The following KANSL3 variants were observed in gnomAD, a reference collection of about 807,000 sequenced individuals.
KANSL3 encodes KAT8 regulatory NSL complex subunit 3.
Under a neutral mutation model 89.2 loss-of-function variants are expected in KANSL3, and 16 were observed. The observed-to-expected ratio is 0.18, with a 90% CI of 0.12 to 0.27. The LOEUF is 0.27. Among genes scored for constraint, KANSL3 ranks in the 10% least tolerant of loss-of-function variants. The probability of loss-of-function intolerance (pLI) is 1.00; values close to 1 mark genes in which losing one functional copy is unlikely to be tolerated. For synonymous variants in KANSL3, 385 were observed against 419.7 expected, an observed-to-expected ratio of 0.92 and a Z score of 1.01; for missense variants, 879 against 1,110.6, an observed-to-expected ratio of 0.79 and a Z score of 2.96.
chr2:96,601,487 A>G (rs1417893560), intron 20 of KANSL3, 156 bp downstream of exon 20: 8 of 1,391,796 alleles, frequency 5.7e-6, no homozygotes, highest in Non-Finnish European at 5.6e-6. Context: ...TGATTCGCTC[A>G]ATATTATAAA....
intron 15 of KANSL3, 32 bp downstream of exon 15, chr2:96,605,288 A>C: frequency 6.4e-7 from 1 of 1,574,778 alleles, no homozygotes; most frequent in Non-Finnish European, 8.7e-7. Context: ...GAGAGAGCTC[A>C]GTTCTCATTT....
In KANSL3 at chr2:96,593,587, G is replaced by A. The variant is rs141428416; in HGVS notation, c.*2024C>T. ...TTCTCACAGCTCCCCTTCTTCAGTT[G>A]TGGAGTTCTTCAAGGTGGACAGATC... On this transcript the variant is annotated 3_prime_UTR_variant, in exon 21 of 21. Coordinates refer to ENST00000431828, the MANE Select transcript of KANSL3 (RefSeq NM_001115016.3). 5.7e-3 allele frequency: 1,788 copies of A among 314,098 alleles called. 11 individuals are homozygous for A. Among genetic ancestry groups the A allele is most frequent in the Middle Eastern group, 0.019 (16 of 856 alleles). 19.5% of individuals were successfully genotyped at this position (314,098 alleles called of 1,614,324 possible).
At chr2:96,621,454 C>T (rs1373890424) in intron 3 of KANSL3, among the ~76,000 whole-genome samples, 1 of 151,134 alleles carries the variant, frequency 6.6e-6, no homozygotes, top group Non-Finnish European at 1.5e-5. Flanking sequence ...GCAGAGGTTG[C>T]AGTGAGCCGA....
At chr2:96,608,458 T>C in intron 14 of KANSL3, 50 bp downstream of exon 14, 8 of 1,595,448 alleles carry the variant, frequency 5.0e-6, no homozygotes, top group Non-Finnish European at 6.9e-6. Context: ...CCATGTGACA[T>C]GAACTACAGA....
chr2:96,612,767 C>T (rs1216336689), intron 7 of KANSL3, 51 bp downstream of exon 7: 5 of 1,424,694 alleles, frequency 3.5e-6, no homozygotes, highest in African/African-American at 1.4e-5. Context: ...CCTCAATCCT[C>T]CAAGACTATA....
At chr2:96,634,654 T>TA (rs2073998654) in intron 2 of KANSL3, among the ~76,000 whole-genome samples, 1 of 152,248 alleles carries the variant, frequency 6.6e-6, no homozygotes, top group South Asian at 2.1e-4. Flanking sequence ...AACTTTATGT[T>TA]AACTTTTTGA....
rs769264331 is a variant in KANSL3 at position 96,609,017 on chromosome 2, A to G, written c.1431T>C (p.Gly477=). The change falls in exon 13 of 21, where the codon GGT becomes GGC. Residue 477 remains glycine, a synonymous_variant. Transcript: ENST00000431828. ...FLTGVLTRAE[G]HMGSEPRDQD... ...GATCCCGAGGTTCAGAGCCCATGTG[A>G]CCCTCAGCACGAGTGAGCACTCCAG... 3 of 1,565,620 alleles carry G rather than the reference A, an allele frequency of 1.9e-6. No homozygotes were observed. The Admixed American group carries it at 5.7e-5, about 30-fold the overall frequency.
intron 3 of KANSL3, among the ~76,000 whole-genome samples, chr2:96,624,678 C>A (rs530965899): frequency 6.6e-6 from 1 of 152,092 alleles, no homozygotes; most frequent in African/African-American, 2.4e-5. Context: ...CCCGCCACCA[C>A]GCCCAGCTAA....
intron 20 of KANSL3, 52 bp from the exon 21 acceptor site, chr2:96,595,683 C>G: frequency 6.3e-7 from 1 of 1,595,640 alleles, no homozygotes; most frequent in South Asian, 1.1e-5. Context: ...AGGTTATCAT[C>G]ATATTCAGAC....
In KANSL3 at chr2:96,604,267, G is replaced by T; in HGVS notation, c.2132C>A (p.Pro711His). 6.2e-7 allele frequency: 1 copy of T among 1,609,600 alleles called. No homozygotes were observed. ...TLQSRLVATS[P>H]GSSLPGATSA... ...CAAGATACCTGGGAGGGAGCTGCCAGGAGATGTGGCCACCAGGCGGCTCTG... is the reference window on the plus strand; with the variant it reads ...CAAGATACCTGGGAGGGAGCTGCCATGAGATGTGGCCACCAGGCGGCTCTG... The change falls in exon 17 of 21, where the codon CCT becomes CAT. Residue 711 changes from proline to histidine, a missense_variant. Pro to His is a moderately conservative substitution (Grantham distance 77). Transcript: ENST00000431828.
Position 96,602,750 on chromosome 2 carries a change from C to T in KANSL3, c.2259+3G>A. ...CCCAGCCCAGCAGATGGCAGATGTG[C>T]ACCTGTGGGGCTGGTCCTGGGGAGG... On this transcript the variant is annotated splice_donor_region_variant and intron_variant, in intron 18 of 20. Transcript: ENST00000431828. 1 of 1,586,722 alleles carries T rather than the reference C, an allele frequency of 6.3e-7. No individual in the cohort carries two copies. The highest frequency in any genetic ancestry group is 8.6e-7 in the Non-Finnish European group (1 of 1,167,644).
At chr2:96,600,656 T>C (rs2067047261) in intron 20 of KANSL3, 7 of 985,340 alleles carry the variant, frequency 7.1e-6, no homozygotes, top group Non-Finnish European at 8.4e-6. Context: ...CACTCAGTAC[T>C]AGACTCAAAC....
At chr2:96,628,383 G>T in intron 3 of KANSL3, 1 of 402,350 alleles carries the variant, frequency 2.5e-6, no homozygotes, top group Non-Finnish European at 3.4e-6. Context: ...AAGTGCAGTG[G>T]CTCACACCTA....
At chr2:96,629,922 G>C (rs1041570026) in intron 3 of KANSL3, among the ~76,000 whole-genome samples, 4 of 152,084 alleles carry the variant, frequency 2.6e-5, no homozygotes, top group Non-Finnish European at 5.9e-5. Flanking sequence ...TGGATACACA[G>C]ACAAAAAGCC....
At chr2:96,601,906 T>A in intron 19 of KANSL3, 130 bp from the exon 20 acceptor site, 1 of 1,377,898 alleles carries the variant, frequency 7.3e-7, no homozygotes, top group Non-Finnish European at 9.6e-7. Flanking sequence ...GGGTCATCTA[T>A]GCCCTATCAG....
At chr2:96,604,909 C>T (rs775711056) in intron 15 of KANSL3, 46 bp from the exon 16 acceptor site, 1 of 1,492,674 alleles carries the variant, frequency 6.7e-7, no homozygotes, top group Non-Finnish European at 9.1e-7. Context: ...CCTATTTGGC[C>T]TCTATGTTTC....
chr2:96,601,319 C>T lies in KANSL3; in HGVS notation c.2616+324G>A, dbSNP rs957433938. Reference sequence around the variant, plus strand: ...GAGCATTAGCCAAGTAGCCTCTACTCATAACCTCTGAAGGATGAAACCAAG... The same window carrying T: ...GAGCATTAGCCAAGTAGCCTCTACTTATAACCTCTGAAGGATGAAACCAAG... On this transcript the variant is annotated intron_variant, in intron 20 of 20. Transcript: ENST00000431828. The T allele has an allele frequency of 6.1e-6, 6 of 985,000 alleles. No individual in the cohort carries two copies. In the African/African-American group the frequency reaches 1.0e-4, roughly 17 times the overall value. The allele number at this position is 985,000 out of a possible 1,614,324, so 61.0% of individuals were successfully genotyped here.
At chr2:96,580,891 G>C in the KANSL3 span, among the ~76,000 whole-genome samples, 1 of 152,300 alleles carries the variant, frequency 6.6e-6, no homozygotes, top group African/African-American at 2.4e-5. Context: ...CCCTGAGTGA[G>C]GCCAATCCAG....
chr2:96,601,934 A>G, intron 19 of KANSL3, 158 bp from the exon 20 acceptor site: 1 of 1,278,848 alleles, frequency 7.8e-7, no homozygotes, highest in Non-Finnish European at 1.1e-6. Flanking sequence ...GAAAGGCAAC[A>G]GGAAACAGCC....
Sources: gnomAD v4.1 joint callset for allele counts (sites outside exome capture counted in the v4.1 genomes callset) on GRCh38, gnomAD v4.1.1 for gene constraint, MANE v1.5 for transcripts, NCBI Gene and HGNC (gene_info 2026-07-23, HGNC 2026-07-21) for gene names.